The following ASCC3 variants were observed in gnomAD, a reference collection of about 807,000 sequenced individuals.
ASCC3 encodes the protein ASC-1 complex subunit P200.
Under a neutral mutation model 256.3 loss-of-function variants are expected in ASCC3, and 158 were observed. The observed-to-expected ratio is 0.62, with a 90% CI of 0.54 to 0.70. The LOEUF (loss-of-function observed/expected upper bound fraction) is 0.70, where lower values mean the gene tolerates loss of function less well. Ranked by LOEUF, ASCC3 falls within the 30% of genes least tolerant of loss-of-function variation. The pLI is 0.00. For missense variants in ASCC3, 2,259 were observed against 2,626.0 expected, an observed-to-expected ratio of 0.86 and a Z score of 3.05; for synonymous variants, 948 against 883.4, an observed-to-expected ratio of 1.07 and a Z score of -1.30.
intron 33 of ASCC3, among the ~76,000 whole-genome samples, chr6:100,603,116 C>T (rs572489169): frequency 6.6e-6 from 1 of 151,608 alleles, no homozygotes; most frequent in African/African-American, 2.4e-5. Context: ...TTCACTGCAA[C>T]GTTATACATA....
chr6:100,745,747 T>C lies in ASCC3; in HGVS notation c.1738-20044A>G, dbSNP rs558445892. Among the ~76,000 whole-genome samples, 23 of 152,300 alleles carry C rather than the reference T, an allele frequency of 1.5e-4. No homozygotes were observed. In the South Asian group the frequency reaches 4.4e-3, roughly 29 times the overall value. ...GAGGAAAATAATTTTTAATTTTATT[T>C]AATTTTAATTTTAACAGTCATTTAT... is the stretch of plus-strand genomic sequence containing the variant. On this transcript the variant is annotated intron_variant, in intron 10 of 41. Transcript: ENST00000369162.
At chr6:100,745,366 T>G (rs1780613800) in intron 10 of ASCC3, among the ~76,000 whole-genome samples, 1 of 150,130 alleles carries the variant, frequency 6.7e-6, no homozygotes, top group African/African-American at 2.5e-5. Context: ...CAGGCTCCTG[T>G]AATTCCAGCT....
At chr6:100,517,268 C>G (rs1291121642) in intron 38 of ASCC3, among the ~76,000 whole-genome samples, 1 of 152,134 alleles carries the variant, frequency 6.6e-6, no homozygotes, top group Non-Finnish European at 1.5e-5. Flanking sequence ...TGCCACCCCT[C>G]ATCCAGATGA....
At chr6:100,879,231 T>C (rs2114581095) in intron 1 of ASCC3, among the ~76,000 whole-genome samples, 1 of 152,318 alleles carries the variant, frequency 6.6e-6, no homozygotes, top group Non-Finnish European at 1.5e-5. Flanking sequence ...CCTCAAGGAA[T>C]CTCCACATGT....
At position 100,858,953 on chromosome 6, in the gene ASCC3, A is replaced by G. The variant is rs1357431247; in HGVS notation, c.241+5111T>C. 18 of 633,540 alleles carry G rather than the reference A, an allele frequency of 2.8e-5. No homozygotes were observed. In the East Asian group the frequency reaches 4.7e-4, roughly 16 times the overall value. 39.2% of individuals were successfully genotyped at this position (633,540 alleles called of 1,614,324 possible). Reference sequence around the variant, plus strand: ...TCTTTTAATCTACAATAGTACTCTCATACCTTTTTAAATGACATTATGACA... The same window carrying G: ...TCTTTTAATCTACAATAGTACTCTCGTACCTTTTTAAATGACATTATGACA... On this transcript the variant is annotated intron_variant, in intron 3 of 41. Transcript: ENST00000369162.
Position 100,589,891 on chromosome 6 carries a change from G to T in ASCC3, c.5415+57C>A. 1.3e-6 allele frequency: 2 copies of T among 1,591,236 alleles called. No individual in the cohort carries two copies. Among genetic ancestry groups the T allele is most frequent in the Non-Finnish European group, 1.7e-6 (2 of 1,160,722 alleles). ...AATTTTGATAGTATTAAAAGCAAAA[G>T]ACCTGTCAAAAAGCTGGGCAATCTT... On this transcript the variant is annotated intron_variant, in intron 35 of 41. Coordinates refer to ENST00000369162, the MANE Select transcript of ASCC3 (RefSeq NM_006828.4).
At chr6:100,830,122 GCTGA>G (rs1405492606) in intron 4 of ASCC3, among the ~76,000 whole-genome samples, 7 of 151,966 alleles carry the variant, frequency 4.6e-5, no homozygotes, top group Non-Finnish European at 7.4e-5. Flanking sequence ...TCGGAATGTG[GCTGA>G]CTGTCAGTAG....
intron 36 of ASCC3, among the ~76,000 whole-genome samples, chr6:100,579,739 T>C (rs768565847): frequency 2.0e-5 from 3 of 152,146 alleles, no homozygotes; most frequent in Non-Finnish European, 2.9e-5. Flanking sequence ...AGCCTTGTAG[T>C]ATAGTTTGAA....
rs781207639 is a variant in ASCC3 at position 100,864,058 on chromosome 6, C to T, written c.241+6G>A. The T allele has an allele frequency of 1.4e-5, 21 of 1,516,430 alleles. No homozygotes were observed. In the East Asian group the frequency reaches 1.8e-4, roughly 13 times the overall value. 93.9% of individuals were successfully genotyped at this position (1,516,430 alleles called of 1,614,324 possible). On this transcript the variant is annotated splice_donor_region_variant and intron_variant, in intron 3 of 41. Coordinates refer to ENST00000369162, the MANE Select transcript of ASCC3 (RefSeq NM_006828.4). ...AAAAAAAAAAAAGAAAAAAAGAAAACTATACCTATCTGCTTTGCAGCATGT... is the reference window on the plus strand; with the variant it reads ...AAAAAAAAAAAAGAAAAAAAGAAAATTATACCTATCTGCTTTGCAGCATGT...
chr6:100,730,532 C>T (rs987963129), intron 10 of ASCC3, among the ~76,000 whole-genome samples: 2 of 152,116 alleles, frequency 1.3e-5, no homozygotes, highest in East Asian at 1.9e-4. Context: ...CAGGCAACAG[C>T]TTGCAAGATT....
intron 1 of ASCC3, among the ~76,000 whole-genome samples, chr6:100,873,837 C>T (rs1773862878): frequency 6.6e-6 from 1 of 152,118 alleles, no homozygotes; most frequent in Non-Finnish European, 1.5e-5. Flanking sequence ...TCAGAACACG[C>T]CACTACCAAG....
intron 1 of ASCC3, among the ~76,000 whole-genome samples, chr6:100,875,383 T>C (rs1773949933): frequency 2.6e-5 from 4 of 152,162 alleles, no homozygotes; most frequent in Admixed American, 6.5e-5. Flanking sequence ...TTATGGGCTA[T>C]CAAGTGGGGC....
chr6:100,759,936 T>C (rs866234162), intron 10 of ASCC3, among the ~76,000 whole-genome samples: 10 of 152,180 alleles, frequency 6.6e-5, no homozygotes, highest in Non-Finnish European at 1.2e-4. Context: ...AGTTCATTCA[T>C]GACTTGGCTT....
intron 34 of ASCC3, among the ~76,000 whole-genome samples, chr6:100,598,187 G>A (rs572281900): frequency 3.8e-4 from 58 of 152,158 alleles, no homozygotes; most frequent in African/African-American, 1.3e-3. Context: ...ATCTACACTA[G>A]CCCCTTTGGT....
chr6:100,703,592 T>C lies in ASCC3; in HGVS notation c.2151+11870A>G, dbSNP rs539710430. Among the ~76,000 whole-genome samples the C allele has an allele frequency of 4.6e-5, 7 of 152,168 alleles. No individual in the cohort carries two copies. In the East Asian group the frequency reaches 1.3e-3, roughly 29 times the overall value. ...TGTCCAATTTTTAAAATCTAACTAC[T>C]AAATTTATAATTATAATTAAATTCT... On this transcript the variant is annotated intron_variant, in intron 13 of 41. Transcript: ENST00000369162.
chr6:100,662,984 T>C (rs1562208523), intron 14 of ASCC3, among the ~76,000 whole-genome samples: 1 of 152,106 alleles, frequency 6.6e-6, no homozygotes, highest in Non-Finnish European at 1.5e-5. Flanking sequence ...CTGGCTTTTC[T>C]GAGTATATTT....
Position 100,551,252 on chromosome 6 carries a change from T to A in ASCC3, c.5551-10865A>T, listed in dbSNP as rs1582433384. Among the ~76,000 whole-genome samples the A allele has an allele frequency of 2.0e-5, 3 of 151,938 alleles. No homozygotes were observed. The East Asian group carries it at 5.8e-4, about 29-fold the overall frequency. On this transcript the variant is annotated intron_variant, in intron 36 of 41. Transcript: ENST00000369162. ...ACACAATGGTAAACAAAAAGAGACA[T>A]GACTCTCTGCTTTTATGAAGCTCTG...
chr6:100,860,530 C>T (rs1410854169), intron 3 of ASCC3, among the ~76,000 whole-genome samples: 1 of 151,882 alleles, frequency 6.6e-6, no homozygotes, highest in East Asian at 1.9e-4. Context: ...CCACAGAGAA[C>T]TTTGAGTTGG....
chr6:100,739,089 GTTC>G (rs1780310793), intron 10 of ASCC3, among the ~76,000 whole-genome samples: 1 of 152,094 alleles, frequency 6.6e-6, no homozygotes, highest in Non-Finnish European at 1.5e-5. Flanking sequence ...GTCATATATG[GTTC>G]TTATTATTTT....
Sources: gnomAD v4.1 joint callset for allele counts (sites outside exome capture counted in the v4.1 genomes callset) on GRCh38, gnomAD v4.1.1 for gene constraint, MANE v1.5 for transcripts, NCBI Gene and HGNC (gene_info 2026-07-23, HGNC 2026-07-21) for gene names.